Variants in IPPK observed in about 807,000 individuals in gnomAD.
The protein encoded by IPPK is IPK1 homolog.
Under a neutral mutation model 64.6 loss-of-function variants are expected in IPPK, and 22 were observed. That is an observed-to-expected ratio of 0.34 (90% CI 0.24 to 0.49). The LOEUF (loss-of-function observed/expected upper bound fraction) is 0.49. Among genes scored for constraint, IPPK ranks in the 20% least tolerant of loss-of-function variants. The pLI, the probability that IPPK is intolerant of heterozygous loss-of-function variation, is 0.99. For synonymous variants in IPPK, 262 were observed against 247.2 expected (o/e 1.06, Z -0.56); for missense variants, 532 against 630.7 (o/e 0.84, Z 1.68).
intron 12 of IPPK, 57 bp from the exon 13 acceptor site, chr9:92,616,114 TC>T: frequency 8.6e-7 from 1 of 1,169,358 alleles, no homozygotes; most frequent in Non-Finnish European, 1.2e-6. Flanking sequence ...TTTCCCTCCC[TC>T]CCGTTCTCTC....
At chr9:92,660,943 A>G (rs186798899) in intron 1 of IPPK, among the ~76,000 whole-genome samples, 21 of 152,348 alleles carry the variant, frequency 1.4e-4, no homozygotes, top group African/African-American at 4.8e-4. Flanking sequence ...AAAACCATAC[A>G]CAGGTCCCAG....
intron 1 of IPPK, among the ~76,000 whole-genome samples, chr9:92,668,231 G>A (rs1852642518): frequency 6.6e-6 from 1 of 152,200 alleles, no homozygotes; most frequent in East Asian, 1.9e-4. Context: ...TCGCGCCACT[G>A]CACTCCAGCC....
chr9:92,655,115 G>C (rs988211247), intron 3 of IPPK, among the ~76,000 whole-genome samples: 3 of 152,238 alleles, frequency 2.0e-5, no homozygotes, highest in Non-Finnish European at 2.9e-5. Context: ...CTGGGAGCCA[G>C]GGTGTGGCTG....
Position 92,638,083 on chromosome 9 carries a change from T to C in IPPK, c.834A>G (p.Ala278=), listed in dbSNP as rs147282208. 4.3e-5 allele frequency: 70 copies of C among 1,613,020 alleles called. No individual in the cohort carries two copies. The African/African-American group carries it at 8.5e-4, about 20-fold the overall frequency. Residue 278 remains alanine (A), a synonymous_variant, in exon 9 of 13, where the codon GCA becomes GCG. Transcript: ENST00000287996. ...GCCCGAGCCCCGGACTCAGGGTGCC[T>C]GCCCGGCCCTTGTCCGAGCCACTCA... ...VLLSGSDKGR[A]GTLSPGLGPQ...
intron 4 of IPPK, among the ~76,000 whole-genome samples, chr9:92,652,293 C>T (rs1564038352): frequency 6.6e-6 from 1 of 151,662 alleles, no homozygotes; most frequent in Non-Finnish European, 1.5e-5. Flanking sequence ...ATTAAAAATA[C>T]AAAAAAGTAG....
chr9:92,641,238 GC>G (rs1450738980), intron 7 of IPPK, among the ~76,000 whole-genome samples: 1 of 152,176 alleles, frequency 6.6e-6, no homozygotes, highest in African/African-American at 2.4e-5. Context: ...AGAGGCTAGA[GC>G]CCCAGGGAGC....
intron 8 of IPPK, 94 bp from the exon 9 acceptor site, chr9:92,638,374 G>A: frequency 7.0e-7 from 1 of 1,423,184 alleles, no homozygotes; most frequent in Non-Finnish European, 9.6e-7. Context: ...GGCAGCGGGT[G>A]AAAGCCAAGG....
chr9:92,617,057 A>T (rs1057324919), intron 12 of IPPK: 1 of 152,274 alleles, frequency 6.6e-6, no homozygotes, highest in Non-Finnish European at 1.5e-5. Context: ...TGTAGAAAAA[A>T]CAAATCCCTG....
In IPPK at chr9:92,634,413, G is replaced by A. The variant is rs756099677; in HGVS notation, c.1143C>T (p.Asp381=). The change falls in exon 11 of 13, where the codon GAC becomes GAT. Residue 381 remains aspartate (D), a synonymous_variant. Transcript: ENST00000287996. ...TCGTTAGCGCGAAGGCCACTGTCCC[G>A]TCATCCTCAGTGGAAAGGTCAAGCA... The part of the protein sequence containing the change: ...QKLLDLSTED[D]GTVAFALTKV... 26 of 1,613,726 alleles carry A rather than the reference G, an allele frequency of 1.6e-5. No homozygotes were observed. The highest frequency in any genetic ancestry group is 2.2e-5 in the East Asian group (1 of 44,894).
intron 11 of IPPK, among the ~76,000 whole-genome samples, chr9:92,630,807 C>T (rs1564030065): frequency 6.6e-6 from 1 of 152,052 alleles, no homozygotes; most frequent in East Asian, 1.9e-4. Context: ...TTTAAATATG[C>T]AGGATCAAAT....
chr9:92,657,547 G>C (rs1852398657), intron 2 of IPPK, among the ~76,000 whole-genome samples: 1 of 152,180 alleles, frequency 6.6e-6, no homozygotes, highest in East Asian at 1.9e-4. Flanking sequence ...TCAAGGTTAG[G>C]GTGGTTTGGG....
rs139737915 is a variant in IPPK at position 92,669,385 on chromosome 9, A to G, written c.81+523T>C. Among the ~76,000 whole-genome samples the G allele has an allele frequency of 1.8e-4, 27 of 152,368 alleles. No homozygotes were observed. In the East Asian group the frequency reaches 5.0e-3, roughly 28 times the overall value. On this transcript the variant is annotated intron_variant, in intron 1 of 12. Coordinates refer to ENST00000287996, the MANE Select transcript of IPPK (RefSeq NM_022755.6). ...GTTGAGAAGAGGACCTGTGGACAACATCCCCTTACTATTAACAGCACAGCA... is the reference window on the plus strand; with the variant it reads ...GTTGAGAAGAGGACCTGTGGACAACGTCCCCTTACTATTAACAGCACAGCA...
intron 6 of IPPK, 92 bp downstream of exon 6, chr9:92,647,967 T>C: frequency 1.3e-6 from 1 of 751,044 alleles, no homozygotes; most frequent in Non-Finnish European, 2.2e-6. Flanking sequence ...CCATATTTTC[T>C]TTTACTCTTC....
Position 92,635,293 on chromosome 9 carries a change from T to C in IPPK, c.932A>G (p.Glu311Gly), listed in dbSNP as rs1339795564. ...SLRCQGKNTP[E>G]RSGLPKGCLL... ...ACAGCCCTTCGGTAACCCCGAGCGCTCTGGGGTGTTTTTTCCTACCGAGAA... is the reference window on the plus strand; with the variant it reads ...ACAGCCCTTCGGTAACCCCGAGCGCCCTGGGGTGTTTTTTCCTACCGAGAA... The change falls in exon 10 of 13, where the codon GAG (glutamate) becomes GGG (glycine). Residue 311 changes from glutamate to glycine, a missense_variant. Coordinates refer to ENST00000287996, the MANE Select transcript of IPPK (RefSeq NM_022755.6). This position sits in a 1 kb window ranked among gnomAD's most constrained non-coding sequence, Gnocchi z 4.4. The C allele has an allele frequency of 4.3e-6, 7 of 1,609,566 alleles. No individual in the cohort carries two copies. Among genetic ancestry groups the C allele is most frequent in the Non-Finnish European group, 5.1e-6 (6 of 1,178,668 alleles).
chr9:92,649,397 C>G, intron 5 of IPPK, 56 bp downstream of exon 5: 7 of 1,602,862 alleles, frequency 4.4e-6, no homozygotes, highest in African/African-American at 1.3e-5. Context: ...CTTGGACTTA[C>G]TACCCAAGAC....
chr9:92,628,512 TA>T (rs1416122930), intron 11 of IPPK, among the ~76,000 whole-genome samples: 1 of 152,216 alleles, frequency 6.6e-6, no homozygotes, highest in African/African-American at 2.4e-5. Flanking sequence ...AATAAAGCCA[TA>T]CATCTATGGT....
rs564435626 is a variant in IPPK, at chr9:92,627,871, C to A, written c.1170+6515G>T. On this transcript the variant is annotated intron_variant, in intron 11 of 12. Coordinates refer to ENST00000287996, the MANE Select transcript of IPPK (RefSeq NM_022755.6). ...AGGAAATTACGCAAGAAAAATAAATCAAAGGCATCCAAATTGGAAACGAAG... is the reference window on the plus strand; with the variant it reads ...AGGAAATTACGCAAGAAAAATAAATAAAAGGCATCCAAATTGGAAACGAAG... Among the ~76,000 whole-genome samples the A allele has an allele frequency of 2.6e-5, 4 of 152,202 alleles. No homozygotes were observed. The East Asian group carries it at 7.7e-4, about 29-fold the overall frequency.
At chr9:92,616,201 T>C in intron 12 of IPPK, 144 bp from the exon 13 acceptor site, 2 of 627,582 alleles carry the variant, frequency 3.2e-6, no homozygotes, top group South Asian at 3.9e-5. Flanking sequence ...TCAATCTCTT[T>C]TAAAAGAGAA....
intron 3 of IPPK, among the ~76,000 whole-genome samples, chr9:92,654,797 G>C (rs569939454): frequency 2.0e-5 from 3 of 152,020 alleles, no homozygotes; most frequent in African/African-American, 7.3e-5. Context: ...GAAGGACAAA[G>C]AGCCGCCAGC....
Sources: allele counts gnomAD v4.1 joint callset (sites outside exome capture counted in the v4.1 genomes callset), GRCh38; gene constraint gnomAD v4.1.1; non-coding constraint Gnocchi (gnomAD v3.1); transcripts MANE v1.5; gene names NCBI Gene and HGNC (gene_info 2026-07-23, HGNC 2026-07-21).